The following KIAA0586 variants were observed in gnomAD, a reference collection of about 807,000 sequenced individuals.
The protein encoded by KIAA0586 is protein TALPID3.
Under a neutral mutation model 169.8 loss-of-function variants are expected in KIAA0586, and 144 were observed. The ratio of observed to expected loss-of-function variants is 0.85; its 90% CI spans 0.74 to 0.97. The LOEUF is 0.97. KIAA0586 is among the 50% of genes least tolerant of loss of function. The pLI is 0.00. For missense variants in KIAA0586, 1,854 were observed against 1,823.0 expected, an observed-to-expected ratio of 1.02 and a Z score of -0.31; for synonymous variants, 625 against 612.4, an observed-to-expected ratio of 1.02 and a Z score of -0.30.
chr14:58,561,867 A>G, the KIAA0586 span, among the ~76,000 whole-genome samples: 3 of 152,064 alleles, frequency 2.0e-5, no homozygotes, highest in Non-Finnish European at 4.4e-5. Flanking sequence ...ACTAAATTAG[A>G]TGCATCTTGA....
In KIAA0586 at chr14:58,526,842, C is replaced by G. The variant is rs542273934; in HGVS notation, c.4430-13229C>G. Among the ~76,000 whole-genome samples the G allele has an allele frequency of 2.6e-5, 4 of 152,232 alleles. No individual in the cohort carries two copies. In the South Asian group the frequency reaches 8.3e-4, roughly 32 times the overall value. ...TACAGAAAGCTGGACTGTAATTTCC[C>G]TTTGCTTACTCAGGTCATCTAAACC... On this transcript the variant is annotated intron_variant, in intron 29 of 30. Transcript: ENST00000652326.
At chr14:58,498,744 T>TA in intron 26 of KIAA0586, 39 bp from the exon 27 acceptor site, 1 of 1,538,364 alleles carries the variant, frequency 6.5e-7, no homozygotes, top group East Asian at 2.3e-5. Flanking sequence ...GACTTGATTT[T>TA]AATATAATGG....
rs111517405 is a variant in KIAA0586 at position 58,530,045 on chromosome 14, C to T, written c.4430-10026C>T. 3.3e-3 allele frequency among the ~76,000 whole-genome samples: 499 copies of T among 152,328 alleles called. 6 individuals are homozygous for T. The highest frequency in any genetic ancestry group is 0.011 in the African/African-American group (478 of 41,572). ...AAAATCAATGTGCAAAAATCACAAG[C>T]ATTCCTATATGCCAATAATAGCCAA... On this transcript the variant is annotated intron_variant, in intron 29 of 30. Transcript: ENST00000652326.
chr14:58,445,397 ACTTT>A (rs2038788543), intron 6 of KIAA0586, among the ~76,000 whole-genome samples: 1 of 151,604 alleles, frequency 6.6e-6, no homozygotes, highest in Non-Finnish European at 1.5e-5. Context: ...GCTGTAGCAT[ACTTT>A]CTTATTTATT....
In KIAA0586 at chr14:58,467,803, A is replaced by C. The variant is rs1369151805; in HGVS notation, c.2323A>C (p.Thr775Pro). Residue 775 changes from threonine (T) to proline (P), a missense_variant, in exon 16 of 31, where the codon ACT becomes CCT. Coordinates refer to ENST00000652326, the MANE Select transcript of KIAA0586 (RefSeq NM_001329943.3). ...GVIVSKPHPV[T>P]VTTSIPPSSR... Reference sequence around the variant, plus strand: ...GATTGTCAGCAAGCCACACCCTGTAACTGTGACTACTTCTATTCCTCCATC... The same window carrying C: ...GATTGTCAGCAAGCCACACCCTGTACCTGTGACTACTTCTATTCCTCCATC... 5 of 1,613,546 alleles carry C rather than the reference A, an allele frequency of 3.1e-6. No individual in the cohort carries two copies. The highest frequency in any genetic ancestry group is 4.2e-6 in the Non-Finnish European group (5 of 1,179,592).
In KIAA0586 at chr14:58,450,623, TCTC is replaced by T. The variant is rs2039289752; in HGVS notation, c.1009_1011del (p.Pro337del). On this transcript the variant is annotated inframe_deletion, in exon 8 of 31. Coordinates refer to ENST00000652326, the MANE Select transcript of KIAA0586 (RefSeq NM_001329943.3). ...AGATACGAGTTTTGATAAACAGAAA[TCTC>T]CTTTGGAGACACCAGCACCTCGCAG... The T allele has an allele frequency of 6.2e-7, 1 of 1,611,492 alleles. No individual in the cohort carries two copies. The highest frequency in any genetic ancestry group is 1.3e-5 in the African/African-American group (1 of 74,788).
intron 20 of KIAA0586, among the ~76,000 whole-genome samples, chr14:58,478,739 A>T (rs2041833328): frequency 2.0e-5 from 3 of 152,184 alleles, no homozygotes; most frequent in Admixed American, 1.3e-4. Flanking sequence ...GTCAATTCCT[A>T]AACCTCACTC....
chr14:58,555,795 C>G (rs2047238034), downstream of KIAA0586, among the ~76,000 whole-genome samples: 1 of 152,150 alleles, frequency 6.6e-6, no homozygotes, highest in Admixed American at 6.5e-5. Context: ...TATTGTTTCT[C>G]AGAAGGCTGG....
intron 26 of KIAA0586, among the ~76,000 whole-genome samples, 189 bp downstream of exon 26, chr14:58,492,464 A>G (rs1417741134): frequency 6.6e-6 from 1 of 152,228 alleles, no homozygotes; most frequent in Non-Finnish European, 1.5e-5. Context: ...CATCTGTTCC[A>G]ACCACCTTGT....
intron 27 of KIAA0586, among the ~76,000 whole-genome samples, chr14:58,504,077 T>G (rs2043767781): frequency 6.6e-6 from 1 of 152,198 alleles, no homozygotes. Flanking sequence ...TTCATCAGTC[T>G]GTTAAAGATT....
At chr14:58,453,206 A>G (rs1232755107) in intron 8 of KIAA0586, 144 bp from the exon 9 acceptor site, 1 of 423,500 alleles carries the variant, frequency 2.4e-6, no homozygotes, top group Non-Finnish European at 4.2e-6. Flanking sequence ...GGCATGAGCC[A>G]CTGCGCCTGG....
chr14:58,526,618 C>G (rs140903981), intron 29 of KIAA0586, among the ~76,000 whole-genome samples: 2,054 of 152,216 alleles, frequency 0.013, 48 homozygotes, highest in African/African-American at 0.044. Context: ...GTGCAAAAAG[C>G]CTGAAAATTC....
At chr14:58,507,926 A>G (rs929672020) in intron 27 of KIAA0586, among the ~76,000 whole-genome samples, 12 of 152,114 alleles carry the variant, frequency 7.9e-5, no homozygotes, top group Non-Finnish European at 1.8e-4. Context: ...CTGGGATTAC[A>G]GGTGCCATGC....
chr14:58,476,922 G>A lies in KIAA0586; in HGVS notation c.2826-201G>A, dbSNP rs146831829. Reference sequence around the variant, plus strand: ...AATCTGCCCAACGTGGCCTCCCAAAGTGTTGAGATTACAGATGCACCATGA... The same window carrying A: ...AATCTGCCCAACGTGGCCTCCCAAAATGTTGAGATTACAGATGCACCATGA... On this transcript the variant is annotated intron_variant, in intron 19 of 30. Transcript: ENST00000652326. 4.7e-4 allele frequency among the ~76,000 whole-genome samples: 72 copies of A among 152,220 alleles called. No homozygotes were observed. The East Asian group carries it at 0.011, about 22-fold the overall frequency.
chr14:58,448,931 T>C (rs886996969), intron 7 of KIAA0586, among the ~76,000 whole-genome samples: 1 of 152,190 alleles, frequency 6.6e-6, no homozygotes, highest in African/African-American at 2.4e-5. Context: ...CCTGAGTACA[T>C]TTTTAAACCA....
At chr14:58,534,913 A>G (rs886065850) in intron 29 of KIAA0586, among the ~76,000 whole-genome samples, 1 of 152,204 alleles carries the variant, frequency 6.6e-6, no homozygotes, top group African/African-American at 2.4e-5. Flanking sequence ...GTAAGTGTAC[A>G]GCTCAAAGAA....
At position 58,492,256 on chromosome 14, in the gene KIAA0586, A is replaced by G. The variant is rs554032625; in HGVS notation, c.3971A>G (p.Gln1324Arg). The G allele has an allele frequency of 6.4e-6, 10 of 1,550,970 alleles. No homozygotes were observed. The East Asian group carries it at 2.4e-4, about 38-fold the overall frequency. ...KQNQESAVSQ[Q>R]AVYHSEDLEN... The stretch of plus-strand genomic sequence containing the variant: ...AACCAGGAGTCAGCAGTTTCCCAGC[A>G]AGCAGTCTATCATTCAGAGGTACTT... The change falls in exon 26 of 31, where the codon CAA becomes CGA. Residue 1324 changes from glutamine to arginine, a missense_variant. Coordinates refer to ENST00000652326, the MANE Select transcript of KIAA0586 (RefSeq NM_001329943.3).
At position 58,480,651 on chromosome 14, in the gene KIAA0586, C is replaced by A. The variant is rs188409567; in HGVS notation, c.2945-1862C>A. Among the ~76,000 whole-genome samples the A allele has an allele frequency of 7.2e-5, 11 of 152,248 alleles. No homozygotes were observed. The East Asian group carries it at 1.9e-3, about 27-fold the overall frequency. ...TTCTCCCAGCACCCAATCTCTAAAG[C>A]CTTGGAGTTATTATTTGTTCTATTT... On this transcript the variant is annotated intron_variant, in intron 20 of 30. Transcript: ENST00000652326.
chr14:58,427,905 G>A lies in KIAA0586; in HGVS notation c.-360G>A. 7.3e-7 allele frequency: 1 copy of A among 1,361,670 alleles called. No homozygotes were observed. The highest frequency in any genetic ancestry group is 9.6e-7 in the Non-Finnish European group (1 of 1,038,882). 84.3% of individuals were successfully genotyped at this position (1,361,670 alleles called of 1,614,324 possible). A position where few individuals can be genotyped will look rare whatever the true frequency, so the allele number is the denominator to read the frequency against. ...GCATTTCGCTTTTATTTGCTTGACT[G>A]CCTCTTCTCAACAAATTTTAAGCCC... is the stretch of plus-strand genomic sequence containing the variant. On this transcript the variant is annotated 5_prime_UTR_variant, in exon 1 of 31. Coordinates refer to ENST00000652326, the MANE Select transcript of KIAA0586 (RefSeq NM_001329943.3).
Sources: allele counts gnomAD v4.1 joint callset (sites outside exome capture counted in the v4.1 genomes callset), GRCh38; gene constraint gnomAD v4.1.1; transcripts MANE v1.5; gene names NCBI Gene and HGNC (gene_info 2026-07-23, HGNC 2026-07-21).